The following PCDHA10 variants were observed in gnomAD, a reference collection of about 807,000 sequenced individuals.
PCDHA10 encodes protocadherin alpha 10.
Under a neutral mutation model 61.2 loss-of-function variants are expected in PCDHA10, and 45 were observed. That is an observed-to-expected ratio of 0.74 (90% CI 0.58 to 0.94). The LOEUF (loss-of-function observed/expected upper bound fraction) is 0.94, where lower values mean the gene tolerates loss of function less well. Ranked by LOEUF, PCDHA10 falls within the 40% of genes least tolerant of loss-of-function variation. The pLI is 0.00. For missense variants in PCDHA10, 1,278 were observed against 1,236.2 expected, an observed-to-expected ratio of 1.03 and a Z score of -0.51; for synonymous variants, 602 against 548.8, an observed-to-expected ratio of 1.10 and a Z score of -1.35.
intron 1 of PCDHA10, among the ~76,000 whole-genome samples, chr5:140,918,479 G>T (rs895821639): frequency 1.3e-5 from 2 of 152,092 alleles, no homozygotes; most frequent in Non-Finnish European, 2.9e-5. Flanking sequence ...AGTCTCAAGG[G>T]GAATGCTTTG....
intron 1 of PCDHA10, chr5:140,876,243 C>A: frequency 6.2e-7 from 1 of 1,613,948 alleles, no homozygotes; most frequent in Non-Finnish European, 8.5e-7. Context: ...ATGTCCAAAA[C>A]GACACAAGAG....
intron 1 of PCDHA10, chr5:140,877,508 C>T (rs892674985): frequency 2.5e-6 from 4 of 1,613,808 alleles, no homozygotes; most frequent in Non-Finnish European, 2.5e-6. Context: ...CCAAAGACGT[C>T]GTCGCGGGCC....
chr5:140,957,883 A>C (rs1413437105), intron 1 of PCDHA10, among the ~76,000 whole-genome samples: 1 of 152,098 alleles, frequency 6.6e-6, no homozygotes. Flanking sequence ...TGAAAAGCTG[A>C]AGTTGGCATC....
intron 1 of PCDHA10, among the ~76,000 whole-genome samples, chr5:140,950,272 CT>C (rs373882606): frequency 7.9e-5 from 12 of 151,950 alleles, no homozygotes; most frequent in African/African-American, 2.9e-4. Flanking sequence ...TCCATAATGT[CT>C]TTTTGCTTCA....
At chr5:140,910,408 G>A (rs1165160124) in intron 1 of PCDHA10, among the ~76,000 whole-genome samples, 2 of 152,106 alleles carry the variant, frequency 1.3e-5, no homozygotes, top group African/African-American at 2.4e-5. Flanking sequence ...CTGCCACCTC[G>A]AGATCCAATT....
intron 1 of PCDHA10, among the ~76,000 whole-genome samples, chr5:140,881,010 T>A (rs782629592): frequency 1.3e-5 from 2 of 152,198 alleles, no homozygotes; most frequent in Admixed American, 1.3e-4. Context: ...AGCAGAGCTA[T>A]GGAAATAAAC....
chr5:140,920,559 C>T (rs2153557837), intron 1 of PCDHA10, among the ~76,000 whole-genome samples: 2 of 152,226 alleles, frequency 1.3e-5, no homozygotes, highest in South Asian at 4.1e-4. Context: ...GAAGTGTGGC[C>T]CTTAGGCCAG....
rs1554169144 is a variant in PCDHA10, at chr5:140,876,947, A to T, written c.2388+18511A>T. On this transcript the variant is annotated intron_variant, in intron 1 of 3. Transcript: ENST00000307360. ...GCGCAGAAGAACGCGCTGGTGTCCT[A>T]CTCGCTGGTGGAGCGGCGGGTGGGC... 1 of 1,613,496 alleles carries T rather than the reference A, an allele frequency of 6.2e-7. No homozygotes were observed. The highest frequency in any genetic ancestry group is 8.5e-7 in the Non-Finnish European group (1 of 1,179,858).
At chr5:140,877,143 C>G (rs782522652) in intron 1 of PCDHA10, 2 of 1,613,668 alleles carry the variant, frequency 1.2e-6, no homozygotes, top group African/African-American at 2.7e-5. Context: ...TCGTGCTGGA[C>G]GAGAACGACA....
chr5:140,925,641 TATAATAATAATAATA>T (rs10569930), intron 1 of PCDHA10, among the ~76,000 whole-genome samples: 7 of 143,358 alleles, frequency 4.9e-5, no homozygotes, highest in African/African-American at 1.0e-4. Flanking sequence ...GAACTTAAAG[TATAATAATAATAATA>T]ATAATAATAA....
intron 1 of PCDHA10, among the ~76,000 whole-genome samples, chr5:140,881,802 G>A (rs1239090795): frequency 1.3e-5 from 2 of 152,182 alleles, no homozygotes; most frequent in Admixed American, 6.5e-5. Context: ...CCCAAAACGA[G>A]TGTCGAATAT....
intron 1 of PCDHA10, among the ~76,000 whole-genome samples, chr5:140,915,967 A>G (rs1188377648): frequency 1.3e-5 from 2 of 152,078 alleles, no homozygotes; most frequent in Non-Finnish European, 2.9e-5. Flanking sequence ...TTTGCCTGAT[A>G]TTTTATTTGA....
chr5:140,947,194 G>A (rs2094102779), intron 1 of PCDHA10, among the ~76,000 whole-genome samples: 1 of 151,018 alleles, frequency 6.6e-6, no homozygotes, highest in Admixed American at 6.6e-5. Context: ...ATACTACACA[G>A]CCTTAAAAAA....
rs957445106 is a variant in PCDHA10, at chr5:140,980,862, G to A, written c.2448-1613G>A. Among the ~76,000 whole-genome samples the A allele has an allele frequency of 5.1e-4, 77 of 152,202 alleles. 2 individuals are homozygous for A. Among genetic ancestry groups the A allele is most frequent in the African/African-American group, 1.7e-3 (72 of 41,546 alleles). ...AATAATACTAATCTTTTTCGTATGT[G>A]TGCTTGGGTGTTCTCGGTCTTTCCA... On this transcript the variant is annotated intron_variant, in intron 2 of 3. Coordinates refer to ENST00000307360, the MANE Select transcript of PCDHA10 (RefSeq NM_018901.4).
chr5:140,978,703 G>C (rs556167285), intron 1 of PCDHA10, among the ~76,000 whole-genome samples: 1 of 152,328 alleles, frequency 6.6e-6, no homozygotes, highest in East Asian at 1.9e-4. Context: ...AGCCAAAGGT[G>C]GCCTTTACAA....
chr5:140,952,724 C>T (rs1481919445), intron 1 of PCDHA10, among the ~76,000 whole-genome samples: 1 of 152,100 alleles, frequency 6.6e-6, no homozygotes, highest in African/African-American at 2.4e-5. Flanking sequence ...ATTTTCTGTA[C>T]TAGTCTTTTC....
chr5:140,927,427 G>C, intron 1 of PCDHA10: 2 of 1,614,114 alleles, frequency 1.2e-6, no homozygotes, highest in African/African-American at 1.3e-5. Flanking sequence ...GCGGGTTGAC[G>C]GCAGCGAATA....
chr5:140,933,999 C>T (rs1399268046), intron 1 of PCDHA10, among the ~76,000 whole-genome samples: 2 of 152,050 alleles, frequency 1.3e-5, no homozygotes, highest in South Asian at 2.1e-4. Context: ...TGTCACCTCT[C>T]ATTTTTCTTG....
At chr5:140,936,869 A>C (rs1249048598) in intron 1 of PCDHA10, among the ~76,000 whole-genome samples, 3 of 152,168 alleles carry the variant, frequency 2.0e-5, no homozygotes, top group Non-Finnish European at 4.4e-5. Context: ...TTCTATTTTA[A>C]AAAACCCTGC....
Sources: allele counts gnomAD v4.1 joint callset (sites outside exome capture counted in the v4.1 genomes callset), GRCh38; gene constraint gnomAD v4.1.1; transcripts MANE v1.5; gene names NCBI Gene and HGNC (gene_info 2026-07-23, HGNC 2026-07-21).